Variants in FREM3 observed in about 807,000 individuals in gnomAD.
The protein encoded by FREM3 is FRAS1 related extracellular matrix 3, also known as FRAS1-related extracellular matrix protein 3.
A neutral mutation model predicts 129.1 loss-of-function variants in FREM3; 105 were observed. The ratio of observed to expected loss-of-function variants is 0.81; its 90% CI spans 0.69 to 0.96. FREM3 has a LOEUF of 0.96. Ranked by LOEUF, FREM3 falls within the 40% of genes least tolerant of loss-of-function variation. The pLI, the probability that FREM3 is intolerant of heterozygous loss-of-function variation, is 0.00. For synonymous variants in FREM3, 1,014 were observed against 1,044.9 expected (o/e 0.97, Z 0.57); for missense variants, 2,593 against 2,666.3 (o/e 0.97, Z 0.61).
At position 143,644,204 on chromosome 4, in the gene FREM3, C is replaced by T. The variant is rs79374155; in HGVS notation, c.5276-16444G>A. Among the ~76,000 whole-genome samples, 527 of 150,512 alleles carry T rather than the reference C, an allele frequency of 3.5e-3. 6 individuals carry two copies. The highest frequency in any genetic ancestry group is 0.012 in the African/African-American group (499 of 41,040). ...GTGTGTGTGTGTGTGTGTGTGTGCG[C>T]GTGTGCATTTGCACACGTGTTTCTT... On this transcript the variant is annotated intron_variant, in intron 2 of 7. Coordinates refer to ENST00000329798, the MANE Select transcript of FREM3 (RefSeq NM_001168235.2).
At position 143,698,533 on chromosome 4, in the gene FREM3, C is replaced by T; in HGVS notation, c.2143G>A (p.Val715Ile). The T allele has an allele frequency of 6.5e-7, 1 of 1,537,642 alleles. No individual in the cohort carries two copies. The highest frequency in any genetic ancestry group is 1.2e-5 in the South Asian group (1 of 84,060). ...AAGTGAGTGAGTTGGTATTCTTGTA[C>T]AGTCATTTCTAGTGTAGTTCCTGGA... is the stretch of plus-strand genomic sequence containing the variant. ...LYPGTTLEMT[V>I]QEYQLTHFQK... is the part of the protein sequence containing the mutation. Residue 715 changes from valine (V) to isoleucine (I), a missense_variant, in exon 1 of 8, where the codon GTA becomes ATA. Physicochemically the swap from Val to Ile is conservative, Grantham distance 29. This residue lies in a region of FREM3 where 2,276 missense variants were observed against 2,267.2 expected (regional missense o/e 1.00). Transcript: ENST00000329798.
chr4:143,644,196 T>C (rs1228535575), intron 2 of FREM3, among the ~76,000 whole-genome samples: 2 of 152,078 alleles, frequency 1.3e-5, no homozygotes, highest in African/African-American at 4.8e-5. Flanking sequence ...TGTGTGTGTG[T>C]GTGTGCGCGT....
At chr4:143,658,089 A>C (rs1739633088) in intron 2 of FREM3, among the ~76,000 whole-genome samples, 1 of 152,204 alleles carries the variant, frequency 6.6e-6, no homozygotes, top group South Asian at 2.1e-4. Context: ...TTTTGTCTCT[A>C]CCTGCATAAT....
At chr4:143,601,192 T>C (rs570921890) in intron 6 of FREM3, among the ~76,000 whole-genome samples, 9 of 152,312 alleles carry the variant, frequency 5.9e-5, no homozygotes, top group East Asian at 5.8e-4. Context: ...TAAAAACTTT[T>C]ATGTGTTGAA....
At chr4:143,688,010 C>A (rs1011079277) in intron 2 of FREM3, among the ~76,000 whole-genome samples, 3 of 152,138 alleles carry the variant, frequency 2.0e-5, no homozygotes, top group Non-Finnish European at 4.4e-5. Context: ...AAGTCCTAGC[C>A]AGAGCAATCA....
At chr4:143,584,365 C>T (rs1223425090) in intron 7 of FREM3, among the ~76,000 whole-genome samples, 40 of 144,002 alleles carry the variant, frequency 2.8e-4, no homozygotes, top group African/African-American at 8.0e-4. Flanking sequence ...GCCGAGATTG[C>T]GCCACTGCGG....
At chr4:143,683,340 C>A (rs904927258) in intron 2 of FREM3, among the ~76,000 whole-genome samples, 1 of 152,192 alleles carries the variant, frequency 6.6e-6, no homozygotes, top group Admixed American at 6.5e-5. Flanking sequence ...AGAGTCCCCC[C>A]CAAACTGTGA....
intron 6 of FREM3, among the ~76,000 whole-genome samples, chr4:143,606,044 G>A (rs184292877): frequency 1.3e-5 from 2 of 151,894 alleles, no homozygotes; most frequent in Non-Finnish European, 2.9e-5. Context: ...TCAGTTTTTT[G>A]TTCACTTATT....
chr4:143,661,017 A>G (rs1237161664), intron 2 of FREM3, among the ~76,000 whole-genome samples: 1 of 152,220 alleles, frequency 6.6e-6, no homozygotes, highest in African/African-American at 2.4e-5. Context: ...ATATACAATC[A>G]TGTCATCTGC....
chr4:143,637,071 T>C (rs537273465), intron 2 of FREM3, among the ~76,000 whole-genome samples: 1 of 152,272 alleles, frequency 6.6e-6, no homozygotes, highest in African/African-American at 2.4e-5. Context: ...TAAAGTGTAT[T>C]TGAATTCCAT....
intron 3 of FREM3, among the ~76,000 whole-genome samples, chr4:143,626,243 G>A (rs1739035303): frequency 6.6e-6 from 1 of 152,162 alleles, no homozygotes; most frequent in Non-Finnish European, 1.5e-5. Flanking sequence ...TATGCCCCAT[G>A]CTGTTCTTGA....
intron 6 of FREM3, among the ~76,000 whole-genome samples, chr4:143,595,887 C>CGGAAAAAAAAA (rs1339225665): frequency 4.2e-5 from 2 of 48,076 alleles, no homozygotes; most frequent in Non-Finnish European, 5.1e-5. Flanking sequence ...GACGCCATCT[C>CGGAAAAAAAAA]AGAAAAAAAA....
chr4:143,697,048 C>A lies in FREM3; in HGVS notation c.3628G>T (p.Val1210Phe). The A allele has an allele frequency of 2.0e-6, 3 of 1,537,504 alleles. No individual in the cohort carries two copies. The highest frequency in any genetic ancestry group is 2.6e-6 in the Non-Finnish European group (3 of 1,146,996). The change falls in exon 1 of 8, where the codon GTC (valine) becomes TTC (phenylalanine). Residue 1210 changes from valine (V) to phenylalanine (F), a missense_variant. Physicochemically the swap from Val to Phe is conservative, Grantham distance 50. Coordinates refer to ENST00000329798, the MANE Select transcript of FREM3 (RefSeq NM_001168235.2). ...EFKVLEGMSL[V>F]IDTQLLNGAD... is the part of the protein sequence containing the mutation. ...CCATTAAGCAGCTGGGTGTCTATGA[C>A]CAGGCTCATCCCCTCTAGTACCTTA...
chr4:143,629,266 G>A lies in FREM3; in HGVS notation c.5276-1506C>T, dbSNP rs74922021. The stretch of plus-strand genomic sequence containing the variant: ...TGGAAGAGCAATACCTTGCTAGTAA[G>A]TAAAGGGAACCATGAGCATGGAAAG... On this transcript the variant is annotated intron_variant, in intron 2 of 7. Transcript: ENST00000329798. 3.5e-3 allele frequency among the ~76,000 whole-genome samples: 540 copies of A among 152,252 alleles called. 3 individuals carry two copies. Among genetic ancestry groups the A allele is most frequent in the African/African-American group, 0.013 (526 of 41,548 alleles).
At chr4:143,639,203 A>G (rs1739281075) in intron 2 of FREM3, among the ~76,000 whole-genome samples, 1 of 152,174 alleles carries the variant, frequency 6.6e-6, no homozygotes, top group African/African-American at 2.4e-5. Flanking sequence ...TTGGGAGGGA[A>G]TCAGCAGGGT....
intron 2 of FREM3, among the ~76,000 whole-genome samples, chr4:143,674,532 C>G (rs1740069238): frequency 6.6e-6 from 1 of 152,142 alleles, no homozygotes; most frequent in African/African-American, 2.4e-5. Flanking sequence ...ATCAAATTCA[C>G]ACATAACAAT....
At chr4:143,603,981 G>T (rs1374998652) in intron 6 of FREM3, among the ~76,000 whole-genome samples, 1 of 152,192 alleles carries the variant, frequency 6.6e-6, no homozygotes, top group Admixed American at 6.5e-5. Flanking sequence ...CCCCAGTGTT[G>T]GAGGTGAGGC....
chr4:143,620,568 T>G (rs1295115975), intron 5 of FREM3, among the ~76,000 whole-genome samples: 1 of 152,166 alleles, frequency 6.6e-6, no homozygotes, highest in Non-Finnish European at 1.5e-5. Flanking sequence ...AACTCATGGT[T>G]GGGGGGCATC....
rs1312540430 is a variant in FREM3, at chr4:143,699,226, ACAC to A, written c.1447_1449del (p.Val483del). The A allele has an allele frequency of 1.3e-6, 2 of 1,537,042 alleles. No individual in the cohort carries two copies. Among genetic ancestry groups the A allele is most frequent in the Non-Finnish European group, 1.7e-6 (2 of 1,146,884 alleles). ...TACTTGCACCCAGCAGGTGCCCCAA[ACAC>A]CACCAGCTGCCCATGTCTCAAGCCC... On this transcript the variant is annotated inframe_deletion, in exon 1 of 8. Transcript: ENST00000329798. The surrounding 1 kb of genome is among the most constrained non-coding windows in gnomAD (Gnocchi z 4.2).
Sources: gnomAD v4.1 joint callset for allele counts (sites outside exome capture counted in the v4.1 genomes callset) on GRCh38, gnomAD v4.1.1 for gene constraint, gnomAD v4.1.1 regional missense constraint, Gnocchi (gnomAD v3.1) non-coding constraint, MANE v1.5 for transcripts, NCBI Gene and HGNC (gene_info 2026-07-23, HGNC 2026-07-21) for gene names.